POU6F2: variants seen among roughly 807,000 people sequenced by gnomAD.
The protein encoded by POU6F2 is POU class 6 homeobox 2, also known as POU domain, class 6, transcription factor 2.
A neutral mutation model predicts 71.3 loss-of-function variants in POU6F2; 31 were observed. The observed-to-expected ratio is 0.43, with a 90% CI of 0.33 to 0.59. The LOEUF is 0.59. Ranked by LOEUF, POU6F2 falls within the 20% of genes least tolerant of loss-of-function variation. POU6F2 has a pLI of 0.04. For synonymous variants in POU6F2, 347 were observed against 355.7 expected (o/e 0.98, Z 0.27); for missense variants, 783 against 856.8 (o/e 0.91, Z 1.07).
intron 5 of POU6F2, among the ~76,000 whole-genome samples, chr7:39,344,744 G>A (rs546643335): frequency 1.3e-5 from 2 of 152,032 alleles, no homozygotes; most frequent in African/African-American, 4.8e-5. Context: ...AAAGGGAGGG[G>A]GTAAAATTAA....
At chr7:39,309,094 G>A (rs1361239867) in intron 4 of POU6F2, among the ~76,000 whole-genome samples, 1 of 152,192 alleles carries the variant, frequency 6.6e-6, no homozygotes, top group African/African-American at 2.4e-5. Context: ...TGCCCCCCAT[G>A]TAGATAAAAA....
At chr7:39,090,477 A>T (rs1277637490) in intron 2 of POU6F2, among the ~76,000 whole-genome samples, 2 of 152,090 alleles carry the variant, frequency 1.3e-5, no homozygotes, top group Non-Finnish European at 2.9e-5. Flanking sequence ...CCCATGCATC[A>T]GTGGAGGCCT....
Position 39,339,834 on chromosome 7 carries a change from C to T in POU6F2, c.791C>T (p.Pro264Leu), listed in dbSNP as rs749673196. The stretch of plus-strand genomic sequence containing the variant: ...CAGCCACCACCCGCCTCTCAGCAGC[C>T]GCCAGCTCCTACATCTCAGCTGCAA... ...PQQPPPASQQ[P>L]PAPTSQLQQA... is the part of the protein sequence containing the mutation. The change falls in exon 5 of 10, where the codon CCG becomes CTG. Residue 264 changes from proline (P) to leucine (L), a missense_variant. Coordinates refer to ENST00000518318, the MANE Select transcript of POU6F2 (RefSeq NM_001370959.1). 30 of 1,594,020 alleles carry T rather than the reference C, an allele frequency of 1.9e-5. No individual in the cohort carries two copies. The highest frequency in any genetic ancestry group is 1.1e-4 in the Admixed American group (6 of 55,988).
At chr7:39,389,601 A>G (rs1787022926) in intron 5 of POU6F2, among the ~76,000 whole-genome samples, 1 of 152,214 alleles carries the variant, frequency 6.6e-6, no homozygotes, top group Admixed American at 6.5e-5. Context: ...TAAGGAAAAT[A>G]GAGGACCAAA....
At chr7:39,111,510 A>G (rs2128725606) in intron 2 of POU6F2, among the ~76,000 whole-genome samples, 1 of 152,304 alleles carries the variant, frequency 6.6e-6, no homozygotes, top group Middle Eastern at 3.4e-3. Flanking sequence ...GTTGTTGTTA[A>G]TGGTTCTCTG....
In POU6F2 at chr7:39,085,577, G is replaced by GT. The variant is rs201365898; in HGVS notation, c.106-267dup. On this transcript the variant is annotated intron_variant, in intron 1 of 9. Transcript: ENST00000518318. Reference sequence around the variant, plus strand: ...TGTTGGTTAGGTTGCTTTCAAAGAAGTTTTTTTTTTTTTTTTCCTCCGAAG... The same window carrying GT: ...TGTTGGTTAGGTTGCTTTCAAAGAAGTTTTTTTTTTTTTTTTTCCTCCGAAG... Among the ~76,000 whole-genome samples, 880 of 141,094 alleles carry GT rather than the reference G, an allele frequency of 6.2e-3. 1 individual carries two copies. The highest frequency in any genetic ancestry group is 9.6e-3 in the South Asian group (42 of 4,374). The allele number at this position is 141,094 out of a possible 152,430, so 92.6% of individuals were successfully genotyped here. A position where few individuals can be genotyped will look rare whatever the true frequency, so the allele number is the denominator to read the frequency against.
intron 1 of POU6F2, among the ~76,000 whole-genome samples, chr7:39,009,490 T>C (rs1399932729): frequency 6.6e-6 from 1 of 152,020 alleles, no homozygotes; most frequent in Non-Finnish European, 1.5e-5. Flanking sequence ...TGACTTCTTC[T>C]TTTCCTAACT....
intron 2 of POU6F2, among the ~76,000 whole-genome samples, chr7:39,179,236 G>A (rs373356375): frequency 6.6e-6 from 1 of 152,324 alleles, no homozygotes; most frequent in African/African-American, 2.4e-5. Flanking sequence ...CTTCCGGTGA[G>A]GTGGAACAGC....
chr7:39,112,768 C>T (rs531693506), intron 2 of POU6F2, among the ~76,000 whole-genome samples: 5 of 152,180 alleles, frequency 3.3e-5, no homozygotes, highest in African/African-American at 9.6e-5. Context: ...GGCTTGGCTA[C>T]GTAGCTATAT....
chr7:39,279,767 G>C (rs1784526380), intron 4 of POU6F2, among the ~76,000 whole-genome samples: 1 of 147,596 alleles, frequency 6.8e-6, no homozygotes, highest in Non-Finnish European at 1.5e-5. Context: ...TTTATTTTGA[G>C]ATAGAGTTTC....
At chr7:38,988,309 T>C (rs994174825) in intron 1 of POU6F2, among the ~76,000 whole-genome samples, 2 of 152,146 alleles carry the variant, frequency 1.3e-5, no homozygotes, top group African/African-American at 4.8e-5. Flanking sequence ...ATTCTGGTTC[T>C]ATTTATCTGG....
intron 2 of POU6F2, among the ~76,000 whole-genome samples, chr7:39,087,056 A>G (rs1413455164): frequency 7.1e-6 from 1 of 140,378 alleles, no homozygotes; most frequent in Non-Finnish European, 1.5e-5. Context: ...ACAGTCAAGC[A>G]CCTGAACTTC....
At chr7:39,053,517 C>G (rs2128714315) in intron 1 of POU6F2, among the ~76,000 whole-genome samples, 1 of 152,136 alleles carries the variant, frequency 6.6e-6, no homozygotes, top group East Asian at 1.9e-4. Context: ...CCCAGAAGAT[C>G]CCTGAGGTAA....
intron 5 of POU6F2, among the ~76,000 whole-genome samples, chr7:39,397,121 G>C (rs1562814706): frequency 6.6e-6 from 1 of 151,948 alleles, no homozygotes; most frequent in South Asian, 2.1e-4. Flanking sequence ...TTCCCAACTA[G>C]TATGAAAGAC....
At chr7:39,323,407 AT>A (rs1785438562) in intron 4 of POU6F2, among the ~76,000 whole-genome samples, 2 of 152,028 alleles carry the variant, frequency 1.3e-5, no homozygotes, top group African/African-American at 2.4e-5. Context: ...GGCTCTCCTG[AT>A]TTTTTAGTCT....
At chr7:39,277,524 A>G (rs1335155586) in intron 4 of POU6F2, among the ~76,000 whole-genome samples, 6 of 152,168 alleles carry the variant, frequency 3.9e-5, no homozygotes, top group Non-Finnish European at 8.8e-5. Context: ...CTATTTCCGC[A>G]AAAAGCAAGT....
rs1794043817 is a variant in POU6F2, at chr7:39,207,539, G to A, written c.517G>A (p.Ala173Thr). The A allele has an allele frequency of 6.2e-7, 1 of 1,614,028 alleles. No homozygotes were observed. Among genetic ancestry groups the A allele is most frequent in the Non-Finnish European group, 8.5e-7 (1 of 1,179,878 alleles). Residue 173 changes from alanine (A) to threonine (T), a missense_variant, in exon 4 of 10, where the codon GCG becomes ACG. This residue lies in a region of POU6F2 where 572 missense variants were observed against 572.9 expected (regional missense o/e 1.00). Coordinates refer to ENST00000518318, the MANE Select transcript of POU6F2 (RefSeq NM_001370959.1). ...AGGACTGGTTCTCACACTGCCAACA[G>A]CGAATCTCACCAACATCCAAGGGCT... ...QQGLVLTLPT[A>T]NLTNIQGLVA...
intron 4 of POU6F2, among the ~76,000 whole-genome samples, chr7:39,229,990 G>C (rs969987397): frequency 6.6e-6 from 1 of 152,196 alleles, no homozygotes; most frequent in African/African-American, 2.4e-5. Flanking sequence ...CTCACTGTTC[G>C]TGGTAGTCAA....
intron 1 of POU6F2, among the ~76,000 whole-genome samples, chr7:39,062,847 T>G (rs9648475): frequency 0.084 from 11,754 of 139,342 alleles, 571 homozygotes; most frequent in African/African-American, 0.15. Flanking sequence ...AGCCCAGGAG[T>G]TTTTTGTTTG....
Sources: allele counts gnomAD v4.1 joint callset (sites outside exome capture counted in the v4.1 genomes callset), GRCh38; gene constraint gnomAD v4.1.1; regional missense constraint gnomAD v4.1.1; transcripts MANE v1.5; gene names NCBI Gene and HGNC (gene_info 2026-07-23, HGNC 2026-07-21).